FBXO34: variants seen among roughly 807,000 people sequenced by gnomAD.
FBXO34 encodes the protein F-box only protein 34.
A neutral mutation model predicts 24.5 loss-of-function variants in FBXO34; 12 were observed. The ratio of observed to expected loss-of-function variants is 0.49; its 90% confidence interval spans 0.31 to 0.79. The LOEUF is 0.79. Among genes scored for constraint, FBXO34 ranks in the 30% least tolerant of loss-of-function variants. The pLI is 0.04. For synonymous variants in FBXO34, 320 were observed against 311.9 expected (o/e 1.03, Z -0.27); for missense variants, 823 against 857.7 (o/e 0.96, Z 0.51).
chr14:55,356,884 A>G (rs1186382167), downstream of FBXO34, among the ~76,000 whole-genome samples: 3 of 152,074 alleles, frequency 2.0e-5, no homozygotes, highest in African/African-American at 7.2e-5. Flanking sequence ...GAGTAGCTGC[A>G]ACTACAGCTG....
chr14:55,316,756 G>C (rs1882944289), intron 1 of FBXO34, among the ~76,000 whole-genome samples: 1 of 150,170 alleles, frequency 6.7e-6, no homozygotes, highest in African/African-American at 2.4e-5. Context: ...AGAATTTCAA[G>C]ACGGCAACAG....
chr14:55,365,994 A>C (rs1319979102), downstream of FBXO34, among the ~76,000 whole-genome samples: 1 of 152,218 alleles, frequency 6.6e-6, no homozygotes, highest in African/African-American at 2.4e-5. Context: ...AAAGCTACTC[A>C]GGCATCTGAG....
Position 55,317,845 on chromosome 14 carries a change from G to A in FBXO34, c.-10-32536G>A, listed in dbSNP as rs373382827. On this transcript the variant is annotated intron_variant, in intron 1 of 1. Transcript: ENST00000313833. ...GTCCCACCTTACATCGTGATCCCTG[G>A]TCCAGATAATCCTCTGTTTTAACCC... 3.3e-4 allele frequency among the ~76,000 whole-genome samples: 50 copies of A among 152,178 alleles called. 1 individual carries two copies. The highest frequency in any genetic ancestry group is 1.2e-3 in the African/African-American group (50 of 41,520).
chr14:55,298,624 G>T (rs1193224802), intron 1 of FBXO34: 15 of 1,297,248 alleles, frequency 1.2e-5, no homozygotes, highest in Non-Finnish European at 1.6e-5. Context: ...AGCGGGCGTT[G>T]AAGGCTGGCG....
At chr14:55,434,228 G>C in the FBXO34 span, among the ~76,000 whole-genome samples, 1 of 152,152 alleles carries the variant, frequency 6.6e-6, no homozygotes, top group Non-Finnish European at 1.5e-5. Flanking sequence ...CTGTATGATA[G>C]GCATGCTAAA....
chr14:55,323,020 A>AAAAAAAC (rs1883194305), intron 1 of FBXO34, among the ~76,000 whole-genome samples: 1 of 116,648 alleles, frequency 8.6e-6, no homozygotes, highest in Non-Finnish European at 1.8e-5. Context: ...AAAAATACAA[A>AAAAAAAC]AAAAAAAAAA....
the FBXO34 span, chr14:55,436,432 T>A: frequency 1.1e-6 from 1 of 886,702 alleles, no homozygotes; most frequent in African/African-American, 1.7e-5. Flanking sequence ...CATTTAGAAC[T>A]GATAAAACAA....
intron 3 of FBXO34, among the ~76,000 whole-genome samples, chr14:55,359,916 CAAAAAAA>C: frequency 1.1e-5 from 1 of 95,172 alleles, no homozygotes; most frequent in African/African-American, 3.9e-5. Context: ...CTTGTGCCTA[CAAAAAAA>C]AAAAAAAAAA....
intron 3 of FBXO34, among the ~76,000 whole-genome samples, chr14:55,360,922 C>T (rs1234260425): frequency 6.6e-6 from 1 of 151,776 alleles, no homozygotes; most frequent in Non-Finnish European, 1.5e-5. Flanking sequence ...TGCTTGAACT[C>T]GTGAGGTGGA....
At chr14:55,277,895 A>G (rs1243375849) in intron 1 of FBXO34, among the ~76,000 whole-genome samples, 1 of 152,144 alleles carries the variant, frequency 6.6e-6, no homozygotes, top group Admixed American at 6.5e-5. Flanking sequence ...TGCTTTAAGT[A>G]GTTGTAGCAA....
At chr14:55,386,280 C>A in the FBXO34 span, among the ~76,000 whole-genome samples, 1 of 152,078 alleles carries the variant, frequency 6.6e-6, no homozygotes, top group Non-Finnish European at 1.5e-5. Context: ...ACACATAAAG[C>A]AAAGAGAACC....
chr14:55,279,168 T>C (rs1327482495), intron 1 of FBXO34, among the ~76,000 whole-genome samples: 1 of 151,714 alleles, frequency 6.6e-6, no homozygotes, highest in Non-Finnish European at 1.5e-5. Flanking sequence ...GTGCCTGTAA[T>C]CCCAGCTACT....
At chr14:55,298,518 T>C (rs1882218845) in intron 1 of FBXO34, 1 of 607,228 alleles carries the variant, frequency 1.6e-6, no homozygotes, top group Non-Finnish European at 3.0e-6. Flanking sequence ...AGTTTTATCC[T>C]ACCCCTACAT....
At chr14:55,310,631 G>A (rs139478955) in intron 1 of FBXO34, among the ~76,000 whole-genome samples, 31 of 152,242 alleles carry the variant, frequency 2.0e-4, no homozygotes, top group African/African-American at 7.0e-4. Context: ...CTGCCTGCCT[G>A]CCAACATAAT....
intron 1 of FBXO34, among the ~76,000 whole-genome samples, chr14:55,287,512 C>T (rs909362668): frequency 1.3e-5 from 2 of 152,128 alleles, no homozygotes; most frequent in African/African-American, 4.8e-5. Context: ...GGTAACTAAG[C>T]ACAATAGCAT....
In FBXO34 at chr14:55,304,587, A is replaced by G. The variant is rs191305795; in HGVS notation, c.-11+33050A>G. On this transcript the variant is annotated intron_variant, in intron 1 of 1. Transcript: ENST00000313833. ...ATGATCTTAGCTCATTGTAAGGTCA[A>G]ACTCCTGGGCTCAGGTGATCCTCTG... is the stretch of plus-strand genomic sequence containing the variant. Among the ~76,000 whole-genome samples the G allele has an allele frequency of 3.3e-3, 507 of 152,232 alleles. 5 individuals carry two copies. Among genetic ancestry groups the G allele is most frequent in the African/African-American group, 0.012 (490 of 41,538 alleles).
At chr14:55,320,261 T>G (rs894008870) in intron 1 of FBXO34, among the ~76,000 whole-genome samples, 1 of 152,156 alleles carries the variant, frequency 6.6e-6, no homozygotes, top group Non-Finnish European at 1.5e-5. Context: ...ATGATAAACT[T>G]GCTCAGGCGG....
Position 55,305,819 on chromosome 14 carries a change from G to T in FBXO34, c.-11+34282G>T, listed in dbSNP as rs559142308. ...GAATTTTATCCCCCACATTTCTCCC[G>T]GTTACTGCAAGTACTGTATCTGTGT... On this transcript the variant is annotated intron_variant, in intron 1 of 1. Transcript: ENST00000313833. Among the ~76,000 whole-genome samples, 11 of 152,266 alleles carry T rather than the reference G, an allele frequency of 7.2e-5. No individual in the cohort carries two copies. The South Asian group carries it at 1.0e-3, about 14-fold the overall frequency.
chr14:55,387,905 G>A, the FBXO34 span, among the ~76,000 whole-genome samples: 3 of 152,134 alleles, frequency 2.0e-5, no homozygotes, highest in Non-Finnish European at 4.4e-5. Flanking sequence ...AATGTGATCC[G>A]CCCGCCTCGG....
Sources: gnomAD v4.1 joint callset for allele counts (sites outside exome capture counted in the v4.1 genomes callset) on GRCh38, gnomAD v4.1.1 for gene constraint, MANE v1.5 for transcripts, NCBI Gene and HGNC (gene_info 2026-07-23, HGNC 2026-07-21) for gene names.